Variants in STAT5B observed in about 807,000 individuals in gnomAD.
STAT5B encodes the protein transcription factor STAT5B.
Under a neutral mutation model 107.8 loss-of-function variants are expected in STAT5B, and 21 were observed. That is an observed-to-expected ratio of 0.19 (90% CI 0.14 to 0.28). The LOEUF is 0.28. Ranked by LOEUF, STAT5B falls within the 10% of genes least tolerant of loss-of-function variation. The pLI is 1.00. For missense variants in STAT5B, 565 were observed against 1,008.2 expected (o/e 0.56, Z 5.95); for synonymous variants, 325 against 401.7 (o/e 0.81, Z 2.28).
chr17:42,227,501 T>G, intron 3 of STAT5B, 28 bp downstream of exon 3: 1 of 1,612,188 alleles, frequency 6.2e-7, no homozygotes, highest in South Asian at 1.1e-5. Flanking sequence ...GGAAGGTAAT[T>G]AAGTGTGACC....
chr17:42,210,142 T>G (rs1366144375), intron 15 of STAT5B, 29 bp downstream of exon 15: 6 of 1,614,152 alleles, frequency 3.7e-6, no homozygotes, highest in Non-Finnish European at 5.1e-6. Context: ...AGCAGCTAAC[T>G]TTGGACATAA....
intron 3 of STAT5B, among the ~76,000 whole-genome samples, chr17:42,226,846 C>T (rs1480058231): frequency 6.9e-6 from 1 of 145,828 alleles, no homozygotes; most frequent in Non-Finnish European, 1.5e-5. Flanking sequence ...ACAGAGGGAC[C>T]GGGCATAGTG....
upstream of STAT5B, among the ~76,000 whole-genome samples, chr17:42,278,005 C>A (rs937784234): frequency 3.9e-5 from 6 of 152,142 alleles, no homozygotes; most frequent in African/African-American, 1.4e-4. Flanking sequence ...ATCTGCCCGC[C>A]TCAGCCTCCC....
Position 42,215,930 on chromosome 17 carries a change from T to G in STAT5B, c.1473+84A>C, listed in dbSNP as rs967998094. The G allele has an allele frequency of 2.7e-6, 4 of 1,476,872 alleles. No individual in the cohort carries two copies. The African/African-American group carries it at 5.6e-5, about 21-fold the overall frequency. 91.5% of individuals were successfully genotyped at this position (1,476,872 alleles called of 1,614,324 possible). Reference sequence around the variant, plus strand: ...AGTCACTGCACCCGGCCTTTTCCTATGCTTTTTAAAAGGATAATACATAAA... The same window carrying G: ...AGTCACTGCACCCGGCCTTTTCCTAGGCTTTTTAAAAGGATAATACATAAA... On this transcript the variant is annotated intron_variant, in intron 12 of 18. Coordinates refer to ENST00000293328, the MANE Select transcript of STAT5B (RefSeq NM_012448.4).
chr17:42,231,352 T>C (rs1240983992), intron 2 of STAT5B, among the ~76,000 whole-genome samples: 1 of 152,080 alleles, frequency 6.6e-6, no homozygotes, highest in Non-Finnish European at 1.5e-5. Context: ...TGTTTGTTTG[T>C]TTGTTTTGAG....
intron 3 of STAT5B, among the ~76,000 whole-genome samples, chr17:42,227,214 T>C (rs1255109642): frequency 2.0e-5 from 3 of 150,888 alleles, no homozygotes; most frequent in Non-Finnish European, 4.4e-5. Context: ...GGACACAAGG[T>C]ATGCAACTTA....
upstream of STAT5B, among the ~76,000 whole-genome samples, chr17:42,277,517 C>G (rs567156836): frequency 3.9e-5 from 6 of 152,276 alleles, no homozygotes; most frequent in East Asian, 1.2e-3. Flanking sequence ...GTCAAAAAAC[C>G]CTTCTCCGCT....
intron 1 of STAT5B, among the ~76,000 whole-genome samples, chr17:42,254,724 G>C (rs2080527378): frequency 6.6e-6 from 1 of 152,038 alleles, no homozygotes; most frequent in African/African-American, 2.4e-5. Flanking sequence ...GAGAGGGAAG[G>C]ACAAACTGGA....
intron 1 of STAT5B, among the ~76,000 whole-genome samples, chr17:42,235,975 TAAAAAATGTCAC>T: frequency 6.6e-6 from 1 of 152,220 alleles, no homozygotes; most frequent in Admixed American, 6.5e-5. Context: ...GTAGGGGTAT[TAAAAAATGTCAC>T]TCTATTTTGC....
Position 42,249,789 on chromosome 17 carries a change from T to C in STAT5B, c.-10-17652A>G, listed in dbSNP as rs1425198739. Among the ~76,000 whole-genome samples the C allele has an allele frequency of 2.0e-5, 3 of 152,038 alleles. No homozygotes were observed. The East Asian group carries it at 5.8e-4, about 29-fold the overall frequency. On this transcript the variant is annotated intron_variant, in intron 1 of 18. Coordinates refer to ENST00000293328, the MANE Select transcript of STAT5B (RefSeq NM_012448.4). ...AATCCTCTTGTCTCAGTCTCCTGAG[T>C]AGCTGGGACCACAGGTGTGTGCCAC...
intron 1 of STAT5B, among the ~76,000 whole-genome samples, chr17:42,256,853 C>T (rs1314871814): frequency 2.0e-5 from 2 of 101,356 alleles, no homozygotes; most frequent in Non-Finnish European, 3.5e-5. Context: ...CAGAGCGAGA[C>T]TCTGTCTCAA....
intron 16 of STAT5B, among the ~76,000 whole-genome samples, chr17:42,205,547 C>T (rs2080078276): frequency 6.6e-6 from 1 of 152,186 alleles, no homozygotes; most frequent in Non-Finnish European, 1.5e-5. Context: ...TACTTGTTCT[C>T]TTGGCATACA....
chr17:42,218,132 G>A lies in STAT5B; in HGVS notation c.1169+19C>T. ...ACATGAGACAAGTAGCAGGGAATGA[G>A]AGGAAGCTGCACAATTACTTGCGGG... On this transcript the variant is annotated intron_variant, in intron 9 of 18. Transcript: ENST00000293328. 6.2e-7 allele frequency: 1 copy of A among 1,612,152 alleles called. No individual in the cohort carries two copies. Among genetic ancestry groups the A allele is most frequent in the African/African-American group, 1.3e-5 (1 of 74,970 alleles).
At chr17:42,277,854 C>G (rs148912803), upstream of STAT5B, among the ~76,000 whole-genome samples, 118 of 150,992 alleles carry the variant, frequency 7.8e-4, no homozygotes, top group African/African-American at 2.8e-3. Flanking sequence ...CTCCTGGGTT[C>G]AAGTGATTCT....
chr17:42,240,745 G>A (rs1157342783), intron 1 of STAT5B, among the ~76,000 whole-genome samples: 1 of 152,196 alleles, frequency 6.6e-6, no homozygotes, highest in Admixed American at 6.5e-5. Context: ...GCACTTACTT[G>A]CACCACTGCA....
chr17:42,250,927 A>C (rs1249043510), intron 1 of STAT5B, among the ~76,000 whole-genome samples: 1 of 151,590 alleles, frequency 6.6e-6, no homozygotes, highest in Non-Finnish European at 1.5e-5. Flanking sequence ...CTGTCTCAAA[A>C]AAAAAAAAAA....
intron 9 of STAT5B, chr17:42,217,850 G>A: frequency 2.2e-6 from 1 of 448,150 alleles, no homozygotes; most frequent in Non-Finnish European, 4.1e-6. Context: ...GATTACAGGT[G>A]CCTGCCACCA....
At chr17:42,238,246 A>T (rs1598319159) in intron 1 of STAT5B, among the ~76,000 whole-genome samples, 1 of 148,610 alleles carries the variant, frequency 6.7e-6, no homozygotes. Context: ...GGATACTCCT[A>T]CCTCAGCCAC....
intron 1 of STAT5B, among the ~76,000 whole-genome samples, chr17:42,254,800 A>G (rs976619648): frequency 6.6e-6 from 1 of 151,586 alleles, no homozygotes; most frequent in Non-Finnish European, 1.5e-5. Context: ...TTAAAAATGG[A>G]AAAAAAAAGA....
Sources: gnomAD v4.1 joint callset for allele counts (sites outside exome capture counted in the v4.1 genomes callset) on GRCh38, gnomAD v4.1.1 for gene constraint, MANE v1.5 for transcripts, NCBI Gene and HGNC (gene_info 2026-07-23, HGNC 2026-07-21) for gene names.